The following NCOR1 variants were observed in gnomAD, a reference collection of about 807,000 sequenced individuals.
NCOR1 encodes protein phosphatase 1, regulatory subunit 109.
In NCOR1, 63 loss-of-function variants were observed where a neutral mutation model predicts 288.1. That is an observed-to-expected ratio of 0.22 (90% CI 0.18 to 0.27). The LOEUF is 0.27. NCOR1 is among the 10% of genes least tolerant of loss of function. The pLI, the probability that NCOR1 is intolerant of heterozygous loss-of-function variation, is 1.00. For synonymous variants in NCOR1, 1,007 were observed against 1,065.9 expected, an observed-to-expected ratio of 0.94 and a Z score of 1.08; for missense variants, 2,397 against 3,019.2, an observed-to-expected ratio of 0.79 and a Z score of 4.83.
At chr17:16,066,954 T>C (rs918959586) in intron 32 of NCOR1, among the ~76,000 whole-genome samples, 2 of 152,244 alleles carry the variant, frequency 1.3e-5, no homozygotes, top group Admixed American at 1.3e-4. Flanking sequence ...AAAGAGTTTA[T>C]TTAGGCCAGA....
At chr17:16,103,210 A>C (rs1231094939) in intron 19 of NCOR1, among the ~76,000 whole-genome samples, 3 of 152,204 alleles carry the variant, frequency 2.0e-5, no homozygotes, top group Non-Finnish European at 4.4e-5. Context: ...ATTAAACAAA[A>C]CAGAGACCAA....
chr17:16,032,488 C>A lies in NCOR1; in HGVS notation c.7136-5G>T, dbSNP rs534201773. On this transcript the variant is annotated splice_region_variant and splice_polypyrimidine_tract_variant and intron_variant, in intron 45 of 45. Coordinates refer to ENST00000268712, the MANE Select transcript of NCOR1 (RefSeq NM_006311.4). ...TATAAGGAAACTGAGTTGAGCCTGACAAAAGAAAAATTAGGTTTTCATTGT... is the reference window on the plus strand; with the variant it reads ...TATAAGGAAACTGAGTTGAGCCTGAAAAAAGAAAAATTAGGTTTTCATTGT... 11 of 1,555,874 alleles carry A rather than the reference C, an allele frequency of 7.1e-6. No homozygotes were observed. The South Asian group carries it at 1.2e-4, about 17-fold the overall frequency.
At chr17:16,211,658 C>G (rs921290256) in intron 1 of NCOR1, among the ~76,000 whole-genome samples, 13 of 152,046 alleles carry the variant, frequency 8.6e-5, no homozygotes, top group African/African-American at 3.1e-4. Context: ...GTGTTTCATA[C>G]AGTCTCAGAC....
chr17:16,068,283 A>G, intron 31 of NCOR1, 162 bp from the exon 32 acceptor site: 1 of 641,730 alleles, frequency 1.6e-6, no homozygotes, highest in Non-Finnish European at 2.7e-6. Context: ...GAAAATGTAA[A>G]CAACATATGA....
chr17:16,065,148 TATC>T lies in NCOR1; in HGVS notation c.4952-132_4952-130del. On this transcript the variant is annotated intron_variant, in intron 33 of 45. Transcript: ENST00000268712. ...ACATAATATAAATAAAAATGTTTAC[TATC>T]ATCATTACTTTTTAAGACATTCTTT... 6 of 866,890 alleles carry T rather than the reference TATC, an allele frequency of 6.9e-6. No homozygotes were observed. In the South Asian group the frequency reaches 7.6e-5, roughly 11 times the overall value. 53.7% of individuals were successfully genotyped at this position (866,890 alleles called of 1,614,324 possible).
chr17:16,117,924 G>T lies in NCOR1; in HGVS notation c.2019C>A (p.His673Gln). The stretch of plus-strand genomic sequence containing the variant: ...GCTGCTGTAAGAGGTTGTCAAGATT[G>T]TGTCGCCTTTTATAGTTAAAATAGA... ...KNFYFNYKRR[H>Q]NLDNLLQQHK... is the part of the protein sequence containing the mutation. The change falls in exon 18 of 46, where the codon CAC (histidine) becomes CAA (glutamine). Residue 673 changes from histidine to glutamine, a missense_variant. Around this residue, in one of 11 missense-constraint regions of NCOR1, gnomAD observed 24 missense variants for 84.3 expected, o/e 0.28. Coordinates refer to ENST00000268712, the MANE Select transcript of NCOR1 (RefSeq NM_006311.4). 1 of 1,614,022 alleles carries T rather than the reference G, an allele frequency of 6.2e-7. No homozygotes were observed. The highest frequency in any genetic ancestry group is 1.1e-5 in the South Asian group (1 of 91,052).
rs767705325 is a variant in NCOR1, at chr17:16,062,083, A to C, written c.5387+22T>G. 1.9e-6 allele frequency: 3 copies of C among 1,604,896 alleles called. No individual in the cohort carries two copies. In the South Asian group the frequency reaches 3.4e-5, roughly 18 times the overall value. ...GTATATGCAAGAGACATTTTTTGTCAAAATATGTACAAGAGACTGACATGA... is the reference window on the plus strand; with the variant it reads ...GTATATGCAAGAGACATTTTTTGTCCAAATATGTACAAGAGACTGACATGA... On this transcript the variant is annotated intron_variant, in intron 36 of 45. Transcript: ENST00000268712.
rs554094738 is a variant in NCOR1 at position 16,184,619 on chromosome 17, C to T, written c.242+1935G>A. ...AACTCTTGTACACTGCTGGTGGTAACGTAAATTAGTACAACCATTATGGAA... is the reference window on the plus strand; with the variant it reads ...AACTCTTGTACACTGCTGGTGGTAATGTAAATTAGTACAACCATTATGGAA... On this transcript the variant is annotated intron_variant, in intron 3 of 45. Transcript: ENST00000268712. Among the ~76,000 whole-genome samples, 23 of 152,148 alleles carry T rather than the reference C, an allele frequency of 1.5e-4. No individual in the cohort carries two copies. The South Asian group carries it at 1.7e-3, about 11-fold the overall frequency.
chr17:16,104,209 G>A (rs1026566439), intron 19 of NCOR1, among the ~76,000 whole-genome samples: 1 of 152,002 alleles, frequency 6.6e-6, no homozygotes, highest in African/African-American at 2.4e-5. Flanking sequence ...CTGGTACACA[G>A]TAGACTCAAA....
chr17:16,189,270 T>C (rs928929300), intron 2 of NCOR1, among the ~76,000 whole-genome samples: 4 of 152,068 alleles, frequency 2.6e-5, no homozygotes, highest in Non-Finnish European at 5.9e-5. Context: ...GGCACATGTC[T>C]GTGGTCCCAG....
rs1286197692 is a variant in NCOR1 at position 16,062,111 on chromosome 17, C to T, written c.5381G>A (p.Arg1794Gln). 3.1e-6 allele frequency: 5 copies of T among 1,610,404 alleles called. No homozygotes were observed. Among genetic ancestry groups the T allele is most frequent in the South Asian group, 2.2e-5 (2 of 89,976 alleles). ...ATATGTACAAGAGACTGACATGATT[C>T]GTAGCTGAGCAGTTGGATCCAAAGG... ...ITPLDPTAQL[R>Q]IMPLPAGGPS... is the part of the protein sequence containing the mutation. Residue 1794 changes from arginine (R) to glutamine (Q), a missense_variant, in exon 36 of 46, where the codon CGA (arginine) becomes CAA (glutamine). By Grantham distance (43) the Arg-to-Gln change is conservative. Transcript: ENST00000268712.
rs781504805 is a variant in NCOR1, at chr17:16,064,179, T to C, written c.5110A>G (p.Thr1704Ala). 3 of 1,613,412 alleles carry C rather than the reference T, an allele frequency of 1.9e-6. No individual in the cohort carries two copies. The highest frequency in any genetic ancestry group is 2.5e-6 in the Non-Finnish European group (3 of 1,179,686). The change falls in exon 35 of 46, where the codon ACA (threonine) becomes GCA (alanine). Residue 1704 changes from threonine to alanine, a missense_variant. Physicochemically the swap from Thr to Ala is moderately conservative, Grantham distance 58. Coordinates refer to ENST00000268712, the MANE Select transcript of NCOR1 (RefSeq NM_006311.4). The stretch of plus-strand genomic sequence containing the variant: ...GCACTTGCAGCAGCTGCAAGGTGTG[T>C]TGGGTGTCCTGTAAAACATAAACCT... ...NSASMSPGHP[T>A]HLAAAASAER...
chr17:16,161,098 T>C (rs902975515), intron 5 of NCOR1, among the ~76,000 whole-genome samples: 4 of 152,286 alleles, frequency 2.6e-5, no homozygotes, highest in East Asian at 1.9e-4. Context: ...AATGATTCCC[T>C]TTCTTTCCTG....
chr17:16,041,815 C>G (rs965083874), intron 42 of NCOR1, among the ~76,000 whole-genome samples: 1 of 152,088 alleles, frequency 6.6e-6, no homozygotes, highest in African/African-American at 2.4e-5. Flanking sequence ...TGGCTCACTG[C>G]AAGCTCTGCC....
chr17:16,095,216 C>T lies in NCOR1; in HGVS notation c.2820+3151G>A, dbSNP rs1036257064. On this transcript the variant is annotated intron_variant, in intron 21 of 45. Coordinates refer to ENST00000268712, the MANE Select transcript of NCOR1 (RefSeq NM_006311.4). Reference sequence around the variant, plus strand: ...GATGTGGGGAGCGCCTCTACCCCGCCGCCCCGTCTGGGATGTGAGGAGCAC... The same window carrying T: ...GATGTGGGGAGCGCCTCTACCCCGCTGCCCCGTCTGGGATGTGAGGAGCAC... Among the ~76,000 whole-genome samples, 4 of 151,296 alleles carry T rather than the reference C, an allele frequency of 2.6e-5. No homozygotes were observed. In the East Asian group the frequency reaches 6.0e-4, roughly 23 times the overall value.
At position 16,127,420 on chromosome 17, in the gene NCOR1, C is replaced by CATGTGTAT. The variant is rs1555688296; in HGVS notation, c.1510-1222_1510-1215dup. Among the ~76,000 whole-genome samples, 2 of 32,714 alleles carry CATGTGTAT rather than the reference C, an allele frequency of 6.1e-5. 1 individual carries two copies. The highest frequency in any genetic ancestry group is 1.5e-4 in the Non-Finnish European group (2 of 12,952). 21.5% of individuals were successfully genotyped at this position (32,714 alleles called of 152,430 possible). On this transcript the variant is annotated intron_variant, in intron 14 of 45. Transcript: ENST00000268712. ...ATGTGTATATGTGTATGTATATATA[C>CATGTGTAT]ATGTGTATATGTGTATGTATATATG...
At chr17:16,142,599 GC>G (rs1268828379) in intron 11 of NCOR1, among the ~76,000 whole-genome samples, 2 of 152,056 alleles carry the variant, frequency 1.3e-5, no homozygotes, top group Non-Finnish European at 2.9e-5. Flanking sequence ...TAAACACTAG[GC>G]AACAGGAACT....
intron 21 of NCOR1, among the ~76,000 whole-genome samples, chr17:16,095,434 G>C (rs1036104552): frequency 2.0e-5 from 3 of 150,162 alleles, no homozygotes; most frequent in Admixed American, 6.6e-5. Flanking sequence ...CCATCCGGGA[G>C]GGAGGTGGGG....
chr17:16,044,095 G>A (rs2058218401), intron 42 of NCOR1, among the ~76,000 whole-genome samples: 1 of 151,312 alleles, frequency 6.6e-6, no homozygotes, highest in South Asian at 2.1e-4. Context: ...CTTGAACCCG[G>A]GAGGCGGAGG....
Sources: gnomAD v4.1 joint callset for allele counts (sites outside exome capture counted in the v4.1 genomes callset) on GRCh38, gnomAD v4.1.1 for gene constraint, gnomAD v4.1.1 regional missense constraint, MANE v1.5 for transcripts, NCBI Gene and HGNC (gene_info 2026-07-23, HGNC 2026-07-21) for gene names.